Variants in RASEF observed in about 807,000 individuals in gnomAD.
RASEF encodes RAS and EF-hand domain containing.
In RASEF, 68 loss-of-function variants were observed where a neutral mutation model predicts 90.1. The observed-to-expected ratio is 0.75, with a 90% CI of 0.62 to 0.92. RASEF has a LOEUF of 0.92. RASEF is among the 40% of genes least tolerant of loss of function. RASEF has a pLI of 0.00. For missense variants in RASEF, 949 were observed against 937.2 expected (o/e 1.01, Z -0.16); for synonymous variants, 331 against 345.2 (o/e 0.96, Z 0.46).
chr9:83,125,604 A>T, the RASEF span, among the ~76,000 whole-genome samples: 1 of 152,292 alleles, frequency 6.6e-6, no homozygotes, highest in Non-Finnish European at 1.5e-5. Context: ...ATCATTCTGA[A>T]ATCCACCACT....
At chr9:83,178,916 C>G in the RASEF span, among the ~76,000 whole-genome samples, 1 of 152,126 alleles carries the variant, frequency 6.6e-6, no homozygotes, top group Non-Finnish European at 1.5e-5. Context: ...TACTGCCAAT[C>G]CAGTCTCACC....
the RASEF span, among the ~76,000 whole-genome samples, chr9:83,209,373 G>A: frequency 1.3e-5 from 2 of 152,234 alleles, no homozygotes; most frequent in Non-Finnish European, 2.9e-5. Context: ...TCATTCTGTG[G>A]AGAATGTGCA....
At chr9:83,144,371 G>GAAAGA in the RASEF span, among the ~76,000 whole-genome samples, 1 of 27,978 alleles carries the variant, frequency 3.6e-5, no homozygotes, top group Non-Finnish European at 6.9e-5. Context: ...AAGAAAGAAA[G>GAAAGA]AAAGAAAGAA....
the RASEF span, among the ~76,000 whole-genome samples, chr9:83,143,533 A>G: frequency 1.3e-5 from 2 of 152,108 alleles, no homozygotes; most frequent in Non-Finnish European, 2.9e-5. Flanking sequence ...AATAATAATA[A>G]TATTTAACTT....
At chr9:82,992,399 AT>A (rs1292383935) in intron 15 of RASEF, among the ~76,000 whole-genome samples, 1 of 152,234 alleles carries the variant, frequency 6.6e-6, no homozygotes, top group East Asian at 1.9e-4. Context: ...CCCAAAATGC[AT>A]ATGCATTTGT....
At chr9:83,001,472 G>A (rs919252137) in intron 9 of RASEF, among the ~76,000 whole-genome samples, 3 of 152,134 alleles carry the variant, frequency 2.0e-5, no homozygotes, top group African/African-American at 7.2e-5. Flanking sequence ...CAGAATATAT[G>A]AGCTTTTTTA....
chr9:83,079,453 A>T, the RASEF span, among the ~76,000 whole-genome samples: 8 of 152,202 alleles, frequency 5.3e-5, no homozygotes, highest in South Asian at 1.7e-3. Flanking sequence ...GTAGCCTTGT[A>T]GTATAGTTTG....
chr9:83,087,552 A>G, the RASEF span, among the ~76,000 whole-genome samples: 1 of 151,666 alleles, frequency 6.6e-6, no homozygotes, highest in Non-Finnish European at 1.5e-5. Context: ...TAGGTTATCT[A>G]ATTTCTTGGC....
chr9:82,996,650 C>G (rs536718131), intron 14 of RASEF, among the ~76,000 whole-genome samples: 1 of 152,324 alleles, frequency 6.6e-6, no homozygotes, highest in East Asian at 1.9e-4. Flanking sequence ...TGGATGCCCC[C>G]ACATGCCCCC....
the RASEF span, among the ~76,000 whole-genome samples, chr9:83,181,266 TCA>T: frequency 6.6e-6 from 1 of 151,046 alleles, no homozygotes; most frequent in East Asian, 1.9e-4. Context: ...GGCATAAGAG[TCA>T]CTTAAAGAGA....
At chr9:83,026,635 G>A (rs1355966881) in intron 1 of RASEF, among the ~76,000 whole-genome samples, 1 of 152,106 alleles carries the variant, frequency 6.6e-6, no homozygotes, top group African/African-American at 2.4e-5. Flanking sequence ...GGGGATTATG[G>A]GGATAACCAT....
chr9:83,083,116 G>C, the RASEF span, among the ~76,000 whole-genome samples: 2 of 152,072 alleles, frequency 1.3e-5, no homozygotes, highest in African/African-American at 2.4e-5. Flanking sequence ...CTAGGAACCA[G>C]GAACAATTGT....
At chr9:83,056,459 A>G (rs1830105796) in intron 1 of RASEF, among the ~76,000 whole-genome samples, 1 of 152,232 alleles carries the variant, frequency 6.6e-6, no homozygotes, top group African/African-American at 2.4e-5. Context: ...TAAGTGATAC[A>G]TGAAGCAAGA....
At chr9:83,036,950 C>T (rs988944560) in intron 1 of RASEF, among the ~76,000 whole-genome samples, 2 of 151,858 alleles carry the variant, frequency 1.3e-5, no homozygotes, top group African/African-American at 4.8e-5. Flanking sequence ...CACCATGGTG[C>T]CCTAAAGTGA....
intron 1 of RASEF, among the ~76,000 whole-genome samples, chr9:83,059,310 T>C (rs79947034): frequency 7.7e-6 from 1 of 130,216 alleles, no homozygotes; most frequent in Non-Finnish European, 1.6e-5. Context: ...ACACAGCCTA[T>C]TTCCTTCTCT....
intron 9 of RASEF, among the ~76,000 whole-genome samples, chr9:83,003,875 T>C (rs1428141907): frequency 6.6e-6 from 1 of 152,182 alleles, no homozygotes. Flanking sequence ...CTAGCAACAC[T>C]GGACATATGT....
chr9:83,211,034 T>C, the RASEF span, among the ~76,000 whole-genome samples: 1 of 152,260 alleles, frequency 6.6e-6, no homozygotes, highest in Admixed American at 6.5e-5. Context: ...AAAGTAACAT[T>C]GATACATTAT....
chr9:83,133,994 C>A, the RASEF span, among the ~76,000 whole-genome samples: 9 of 152,134 alleles, frequency 5.9e-5, no homozygotes, highest in African/African-American at 1.9e-4. Flanking sequence ...CTTATCGAAG[C>A]AAATCACTTC....
At chr9:83,045,171 GTC>G (rs1027780065) in intron 1 of RASEF, among the ~76,000 whole-genome samples, 43 of 152,118 alleles carry the variant, frequency 2.8e-4, no homozygotes, top group Non-Finnish European at 2.9e-5. Flanking sequence ...TTATATGTGT[GTC>G]TGTGTGTATG....
Sources: gnomAD v4.1 joint callset for allele counts (sites outside exome capture counted in the v4.1 genomes callset) on GRCh38, gnomAD v4.1.1 for gene constraint, MANE v1.5 for transcripts, NCBI Gene and HGNC (gene_info 2026-07-23, HGNC 2026-07-21) for gene names.